SMAD3: variants seen among roughly 807,000 people sequenced by gnomAD.
SMAD3 encodes SMAD family member 3.
A neutral mutation model predicts 51.8 loss-of-function variants in SMAD3; 12 were observed. The observed-to-expected ratio is 0.23, with a 90% CI of 0.15 to 0.38. SMAD3 has a LOEUF of 0.38. Among genes scored for constraint, SMAD3 ranks in the 10% least tolerant of loss-of-function variants. The probability of loss-of-function intolerance (pLI) is 1.00; values close to 1 mark genes in which losing one functional copy is unlikely to be tolerated. For synonymous variants in SMAD3, 238 were observed against 227.7 expected, an observed-to-expected ratio of 1.05 and a Z score of -0.41; for missense variants, 294 against 565.6, an observed-to-expected ratio of 0.52 and a Z score of 4.87.
intron 1 of SMAD3, among the ~76,000 whole-genome samples, chr15:67,125,188 C>T (rs1224619945): frequency 6.6e-6 from 1 of 152,210 alleles, no homozygotes; most frequent in African/African-American, 2.4e-5. Flanking sequence ...CGGACCTTCC[C>T]CTCTGGACAG....
intron 1 of SMAD3, among the ~76,000 whole-genome samples, chr15:67,163,512 A>T (rs1962485342): frequency 6.6e-6 from 1 of 152,088 alleles, no homozygotes; most frequent in African/African-American, 2.4e-5. Context: ...GTAGCTGACA[A>T]TGCTTTTGCC....
At chr15:67,186,051 G>A (rs766199742) in intron 7 of SMAD3, among the ~76,000 whole-genome samples, 10 of 152,262 alleles carry the variant, frequency 6.6e-5, no homozygotes, top group Admixed American at 1.3e-4. Flanking sequence ...CATTCCGATC[G>A]TTGACCTCAT....
intron 4 of SMAD3, among the ~76,000 whole-genome samples, chr15:67,170,104 C>T (rs1962706499): frequency 6.6e-6 from 1 of 152,186 alleles, no homozygotes. Context: ...CAAGCCCTGC[C>T]TGTGTGGGAG....
chr15:67,103,919 C>G (rs1960819016), intron 1 of SMAD3, among the ~76,000 whole-genome samples: 1 of 152,146 alleles, frequency 6.6e-6, no homozygotes, highest in Non-Finnish European at 1.5e-5. Context: ...TTGAAGGTGG[C>G]AGAATTATTT....
At position 67,147,628 on chromosome 15, in the gene SMAD3, C is replaced by G. The variant is rs115139451; in HGVS notation, c.207-17267C>G. On this transcript the variant is annotated intron_variant, in intron 1 of 8. Coordinates refer to ENST00000327367, the MANE Select transcript of SMAD3 (RefSeq NM_005902.4). ...AATATTCTGCAAAAGGACATTTGCA[C>G]ACCACCCTTCCACTGCCCCCGCCCC... Among the ~76,000 whole-genome samples the G allele has an allele frequency of 1.9e-3, 286 of 152,252 alleles. 2 individuals carry two copies. The highest frequency in any genetic ancestry group is 6.7e-3 in the African/African-American group (279 of 41,558).
At chr15:67,157,485 C>T (rs977586041) in intron 1 of SMAD3, among the ~76,000 whole-genome samples, 11 of 152,350 alleles carry the variant, frequency 7.2e-5, no homozygotes, top group African/African-American at 2.6e-4. Context: ...GTTCTCTGAG[C>T]TGGGCGAGGG....
Position 67,137,761 on chromosome 15 carries a change from C to T in SMAD3, c.207-27134C>T, listed in dbSNP as rs556063519. On this transcript the variant is annotated intron_variant, in intron 1 of 8. Transcript: ENST00000327367. ...TTGGGGTGCATCATTTCTCTCAAGC[C>T]GAATTTTCTCTGGTAATCTGGCCAG... Among the ~76,000 whole-genome samples the T allele has an allele frequency of 2.7e-4, 41 of 152,250 alleles. No homozygotes were observed. The South Asian group carries it at 7.9e-3, about 29-fold the overall frequency.
intron 1 of SMAD3, among the ~76,000 whole-genome samples, chr15:67,068,971 G>C (rs901551011): frequency 6.6e-6 from 1 of 152,174 alleles, no homozygotes; most frequent in Non-Finnish European, 1.5e-5. Context: ...CCCTGTGTGT[G>C]GGGGGTTGGT....
intron 8 of SMAD3, 97 bp downstream of exon 8, chr15:67,187,606 C>G (rs1963255860): frequency 6.7e-7 from 1 of 1,484,690 alleles, no homozygotes; most frequent in African/African-American, 1.4e-5. Flanking sequence ...TAGGCCAGCC[C>G]TAGCGTCAAG....
chr15:67,072,115 C>T (rs987292814), intron 1 of SMAD3, among the ~76,000 whole-genome samples: 1 of 152,152 alleles, frequency 6.6e-6, no homozygotes, highest in African/African-American at 2.4e-5. Flanking sequence ...AAGCTTATCA[C>T]ATCAGGAATC....
chr15:67,132,473 T>C (rs1299891388), intron 1 of SMAD3, among the ~76,000 whole-genome samples: 2 of 152,024 alleles, frequency 1.3e-5, no homozygotes, highest in Non-Finnish European at 2.9e-5. Flanking sequence ...TGAGGACAGA[T>C]GAGGGCAGGG....
At chr15:67,186,340 C>T (rs755744336) in intron 7 of SMAD3, among the ~76,000 whole-genome samples, 22 of 152,306 alleles carry the variant, frequency 1.4e-4, no homozygotes, top group Non-Finnish European at 3.1e-4. Context: ...CTCTTCCATT[C>T]CCCGGCCCCA....
intron 1 of SMAD3, among the ~76,000 whole-genome samples, chr15:67,155,143 C>T (rs942346004): frequency 2.6e-5 from 4 of 152,238 alleles, no homozygotes; most frequent in Non-Finnish European, 5.9e-5. Context: ...TCAGCTGTCA[C>T]AGTTCTCCAA....
chr15:67,120,995 C>T (rs914839669), intron 1 of SMAD3, among the ~76,000 whole-genome samples: 1 of 152,182 alleles, frequency 6.6e-6, no homozygotes, highest in African/African-American at 2.4e-5. Context: ...AGTGCGTTTT[C>T]TGTTATAAAA....
Position 67,191,776 on chromosome 15 carries a change from T to C in SMAD3, c.*1240T>C, listed in dbSNP as rs1260676538. 3 of 230,710 alleles carry C rather than the reference T, an allele frequency of 1.3e-5. No individual in the cohort carries two copies. Among genetic ancestry groups the C allele is most frequent in the Admixed American group, 1.1e-4 (2 of 17,704 alleles). 14.3% of individuals were successfully genotyped at this position (230,710 alleles called of 1,614,324 possible). On this transcript the variant is annotated 3_prime_UTR_variant, in exon 9 of 9. Coordinates refer to ENST00000327367, the MANE Select transcript of SMAD3 (RefSeq NM_005902.4). ...AAAATATTTTTACACCTTTGAAAATTGCAGGCTTGGTACAAAGAGGTCTGT... is the reference window on the plus strand; with the variant it reads ...AAAATATTTTTACACCTTTGAAAATCGCAGGCTTGGTACAAAGAGGTCTGT...
Position 67,149,216 on chromosome 15 carries a change from A to T in SMAD3, c.207-15679A>T, listed in dbSNP as rs1220731927. 3.3e-5 allele frequency among the ~76,000 whole-genome samples: 5 copies of T among 152,210 alleles called. No individual in the cohort carries two copies. The East Asian group carries it at 9.6e-4, about 29-fold the overall frequency. On this transcript the variant is annotated intron_variant, in intron 1 of 8. Transcript: ENST00000327367. ...GTGGCCAAGAGTGCAGGAGCCTCAC[A>T]TTCAGATACTGTGGCTGCAACATTT...
intron 1 of SMAD3, among the ~76,000 whole-genome samples, chr15:67,087,288 T>G (rs1960414379): frequency 6.6e-6 from 1 of 152,186 alleles, no homozygotes; most frequent in Non-Finnish European, 1.5e-5. Context: ...CCATGAAAAT[T>G]CTCTGCTTTC....
chr15:67,124,277 C>A (rs1299849552), intron 1 of SMAD3, among the ~76,000 whole-genome samples: 3 of 152,194 alleles, frequency 2.0e-5, no homozygotes. Flanking sequence ...GCATATGCCA[C>A]CACACCCAGC....
chr15:67,176,825 T>TC (rs1962911234), intron 5 of SMAD3, among the ~76,000 whole-genome samples: 1 of 152,148 alleles, frequency 6.6e-6, no homozygotes, highest in Middle Eastern at 3.2e-3. Context: ...TTCCTGCGTC[T>TC]CCAACACCTC....
Sources: allele counts gnomAD v4.1 joint callset (sites outside exome capture counted in the v4.1 genomes callset), GRCh38; gene constraint gnomAD v4.1.1; transcripts MANE v1.5; gene names NCBI Gene and HGNC (gene_info 2026-07-23, HGNC 2026-07-21).